The following PRKG1 variants were observed in gnomAD, a reference collection of about 807,000 sequenced individuals.
The protein encoded by PRKG1 is protein kinase cGMP-dependent 1, also known as cGMP-dependent protein kinase 1.
In PRKG1, 35 loss-of-function variants were observed where a neutral mutation model predicts 88.1. That is an observed-to-expected ratio of 0.40 (90% confidence interval 0.30 to 0.53). The LOEUF is 0.53. PRKG1 is among the 20% of genes least tolerant of loss of function. PRKG1 has a pLI of 0.59. For synonymous variants in PRKG1, 303 were observed against 292.5 expected, an observed-to-expected ratio of 1.04 and a Z score of -0.37; for missense variants, 540 against 839.8, an observed-to-expected ratio of 0.64 and a Z score of 4.41.
chr10:52,033,648 ACT>A (rs1411431629), intron 5 of PRKG1, among the ~76,000 whole-genome samples: 1 of 152,102 alleles, frequency 6.6e-6, no homozygotes, highest in Admixed American at 6.5e-5. Flanking sequence ...GAATTCAGAA[ACT>A]CTAAAGTATA....
At chr10:52,175,826 A>T (rs1564502902) in intron 9 of PRKG1, among the ~76,000 whole-genome samples, 1 of 152,008 alleles carries the variant, frequency 6.6e-6, no homozygotes, top group Non-Finnish European at 1.5e-5. Flanking sequence ...TCCTTTGCCC[A>T]TTTTTTAATC....
intron 3 of PRKG1, chr10:51,697,591 A>C (rs1166634042): frequency 4.7e-6 from 5 of 1,065,406 alleles, no homozygotes; most frequent in Non-Finnish European, 6.9e-6. Context: ...TTCTAGGAGG[A>C]GGGAAACCCT....
intron 9 of PRKG1, among the ~76,000 whole-genome samples, chr10:52,244,299 C>T (rs1329207001): frequency 1.3e-5 from 2 of 151,884 alleles, no homozygotes; most frequent in Admixed American, 6.6e-5. Context: ...TACAAAGAAA[C>T]GCTAAGATGG....
At chr10:51,810,004 T>A (rs976092296) in intron 4 of PRKG1, among the ~76,000 whole-genome samples, 14 of 152,146 alleles carry the variant, frequency 9.2e-5, no homozygotes, top group Non-Finnish European at 1.9e-4. Flanking sequence ...GAGACTCCCC[T>A]CCCTTTGAAT....
chr10:51,871,243 A>T (rs1311189250), intron 4 of PRKG1, among the ~76,000 whole-genome samples: 1 of 152,240 alleles, frequency 6.6e-6, no homozygotes, highest in African/African-American at 2.4e-5. Flanking sequence ...GTAGAATGGT[A>T]GTAACCATGA....
At chr10:51,767,380 C>T (rs1186609143) in intron 3 of PRKG1, among the ~76,000 whole-genome samples, 2 of 152,128 alleles carry the variant, frequency 1.3e-5, no homozygotes, top group Non-Finnish European at 2.9e-5. Flanking sequence ...GACTTGCAGA[C>T]TGACAAACAC....
At chr10:51,797,819 C>T (rs1277805476) in intron 3 of PRKG1, among the ~76,000 whole-genome samples, 2 of 151,612 alleles carry the variant, frequency 1.3e-5, no homozygotes, top group Admixed American at 1.3e-4. Flanking sequence ...TCCTTCCCAG[C>T]CCCCAGTAAC....
chr10:51,764,423 A>G (rs1838102874), intron 3 of PRKG1, among the ~76,000 whole-genome samples: 1 of 152,170 alleles, frequency 6.6e-6, no homozygotes, highest in Non-Finnish European at 1.5e-5. Flanking sequence ...AGTATAATTA[A>G]GTTGCTGATG....
intron 2 of PRKG1, among the ~76,000 whole-genome samples, chr10:51,191,172 T>G (rs369307419): frequency 5.3e-4 from 80 of 152,040 alleles, no homozygotes; most frequent in African/African-American, 1.8e-3. Context: ...AAACTAAATA[T>G]AACTCTGAGA....
chr10:51,351,762 C>G (rs1842253077), intron 2 of PRKG1, among the ~76,000 whole-genome samples: 1 of 152,098 alleles, frequency 6.6e-6, no homozygotes, highest in Non-Finnish European at 1.5e-5. Flanking sequence ...TCCCAGTTTT[C>G]AATTTTGGCT....
At position 51,895,533 on chromosome 10, in the gene PRKG1, A is replaced by G. The variant is rs527710532; in HGVS notation, c.699-11974A>G. On this transcript the variant is annotated intron_variant, in intron 4 of 17. Transcript: ENST00000373980. Reference sequence around the variant, plus strand: ...AAGGCCACGGTTTCTGTGTGTTTGGAGTGGACTGATTTTGGTAGACAAAGC... The same window carrying G: ...AAGGCCACGGTTTCTGTGTGTTTGGGGTGGACTGATTTTGGTAGACAAAGC... Among the ~76,000 whole-genome samples the G allele has an allele frequency of 1.3e-4, 20 of 152,250 alleles. No individual in the cohort carries two copies. The East Asian group carries it at 3.9e-3, about 30-fold the overall frequency.
intron 12 of PRKG1, among the ~76,000 whole-genome samples, chr10:52,280,185 A>G (rs1405191114): frequency 2.0e-5 from 3 of 152,142 alleles, no homozygotes; most frequent in Admixed American, 2.0e-4. Context: ...TAGGAAATAG[A>G]TATTGTTTGT....
chr10:51,036,889 A>G (rs1474624977), intron 1 of PRKG1, among the ~76,000 whole-genome samples: 1 of 152,184 alleles, frequency 6.6e-6, no homozygotes, highest in Non-Finnish European at 1.5e-5. Flanking sequence ...CAATTCAACT[A>G]TGGACCATAT....
chr10:52,274,268 C>G (rs1340429025), intron 12 of PRKG1, among the ~76,000 whole-genome samples: 1 of 151,132 alleles, frequency 6.6e-6, no homozygotes, highest in Admixed American at 6.6e-5. Context: ...TTCTATCCCT[C>G]ACCCCCCTCC....
chr10:52,097,309 G>A (rs1847194971), intron 7 of PRKG1, among the ~76,000 whole-genome samples: 1 of 152,202 alleles, frequency 6.6e-6, no homozygotes, highest in South Asian at 2.1e-4. Context: ...GTAAGAATGA[G>A]TTCTGATGAG....
chr10:51,823,973 A>C (rs947825347), intron 4 of PRKG1, among the ~76,000 whole-genome samples: 2 of 150,576 alleles, frequency 1.3e-5, no homozygotes, highest in Non-Finnish European at 2.9e-5. Flanking sequence ...TACTGGGCTC[A>C]AGCAAATCTT....
At chr10:51,086,021 C>T (rs1391913628) in intron 1 of PRKG1, among the ~76,000 whole-genome samples, 1 of 152,180 alleles carries the variant, frequency 6.6e-6, no homozygotes, top group Non-Finnish European at 1.5e-5. Context: ...CCTGATTCTG[C>T]TTTCCAGATG....
intron 3 of PRKG1, among the ~76,000 whole-genome samples, chr10:51,742,167 T>C (rs913178939): frequency 8.5e-5 from 13 of 152,182 alleles, no homozygotes; most frequent in Non-Finnish European, 1.6e-4. Context: ...GCTGCTGAGA[T>C]TGTTAACTGG....
intron 7 of PRKG1, among the ~76,000 whole-genome samples, chr10:52,129,011 G>A (rs1191551139): frequency 6.6e-6 from 1 of 152,078 alleles, no homozygotes; most frequent in Non-Finnish European, 1.5e-5. Flanking sequence ...AAGTTCTCTT[G>A]TGTTCAATAT....
Sources: gnomAD v4.1 joint callset for allele counts (sites outside exome capture counted in the v4.1 genomes callset) on GRCh38, gnomAD v4.1.1 for gene constraint, MANE v1.5 for transcripts, NCBI Gene and HGNC (gene_info 2026-07-23, HGNC 2026-07-21) for gene names.